EEFSEC: variants seen among roughly 807,000 people sequenced by gnomAD.
EEFSEC encodes the protein eukaryotic elongation factor, selenocysteine-tRNA specific.
EEFSEC carries 43 observed loss-of-function variants against 42.1 expected under a neutral mutation model. That is an observed-to-expected ratio of 1.02 (90% CI 0.80 to 1.32). EEFSEC has a LOEUF of 1.32. Among genes scored for constraint, EEFSEC ranks in the 40% most tolerant of loss-of-function variants. The pLI, the probability that EEFSEC is intolerant of heterozygous loss-of-function variation, is 0.00. For missense variants in EEFSEC, 745 were observed against 803.6 expected (o/e 0.93, Z 0.88); for synonymous variants, 354 against 339.1 (o/e 1.04, Z -0.48).
chr3:128,273,233 C>T (rs1008826685), intron 4 of EEFSEC, among the ~76,000 whole-genome samples: 5 of 152,174 alleles, frequency 3.3e-5, no homozygotes, highest in African/African-American at 1.2e-4. Flanking sequence ...TGAGGTCTTG[C>T]CTTTCTCCTG....
At chr3:128,396,890 C>T (rs969292416) in intron 6 of EEFSEC, among the ~76,000 whole-genome samples, 5 of 152,218 alleles carry the variant, frequency 3.3e-5, no homozygotes, top group Admixed American at 6.5e-5. Context: ...TTGGGCCAGA[C>T]CTCCCTTACA....
chr3:128,185,284 ATTATT>A, intron 1 of EEFSEC, among the ~76,000 whole-genome samples: 1 of 152,242 alleles, frequency 6.6e-6, no homozygotes, highest in East Asian at 1.9e-4. Context: ...TGGGGGGATA[ATTATT>A]TTAATTTATT....
At chr3:128,218,279 C>G (rs1197042069) in intron 1 of EEFSEC, among the ~76,000 whole-genome samples, 3 of 152,202 alleles carry the variant, frequency 2.0e-5, no homozygotes, top group Non-Finnish European at 2.9e-5. Flanking sequence ...CAGACATAGA[C>G]TGTAAGAACT....
intron 1 of EEFSEC, among the ~76,000 whole-genome samples, chr3:128,200,284 A>G (rs1332983123): frequency 1.3e-5 from 2 of 151,814 alleles, no homozygotes; most frequent in African/African-American, 4.8e-5. Context: ...TCCAAACTCT[A>G]ACATGAATCT....
intron 4 of EEFSEC, among the ~76,000 whole-genome samples, chr3:128,295,034 C>T (rs1432704226): frequency 4.6e-5 from 7 of 152,312 alleles, no homozygotes; most frequent in South Asian, 2.1e-4. Flanking sequence ...TGGGACATTT[C>T]GCTGGCTGCA....
intron 4 of EEFSEC, among the ~76,000 whole-genome samples, chr3:128,286,209 G>A (rs369803456): frequency 6.6e-6 from 1 of 152,192 alleles, no homozygotes; most frequent in East Asian, 1.9e-4. Flanking sequence ...AGTTCATGAG[G>A]GACATTCCCA....
At position 128,408,314 on chromosome 3, in the gene EEFSEC, G is replaced by A; in HGVS notation, c.*55G>A. ...TGCCCAGCCCAGTCCAGGCTGCTGT[G>A]CCAAATCCCAACCAGCCACGCCTCA... On this transcript the variant is annotated 3_prime_UTR_variant, in exon 7 of 7. Transcript: ENST00000254730. 2.0e-6 allele frequency: 3 copies of A among 1,479,994 alleles called. No homozygotes were observed. Among genetic ancestry groups the A allele is most frequent in the Non-Finnish European group, 2.7e-6 (3 of 1,107,834 alleles). 91.7% of individuals were successfully genotyped at this position (1,479,994 alleles called of 1,614,324 possible). A position where few individuals can be genotyped will look rare whatever the true frequency, so the allele number is the denominator to read the frequency against.
chr3:128,395,593 T>C (rs547394822), intron 6 of EEFSEC, among the ~76,000 whole-genome samples: 1 of 152,334 alleles, frequency 6.6e-6, no homozygotes, highest in East Asian at 1.9e-4. Context: ...CCCTGTTCTT[T>C]GTCAGGCCCA....
At position 128,213,181 on chromosome 3, in the gene EEFSEC, A is replaced by G. The variant is rs6439120; in HGVS notation, c.317-33655A>G. Among the ~76,000 whole-genome samples, 302 of 152,288 alleles carry G rather than the reference A, an allele frequency of 2.0e-3. 1 individual carries two copies. Among genetic ancestry groups the G allele is most frequent in the African/African-American group, 6.9e-3 (288 of 41,564 alleles). On this transcript the variant is annotated intron_variant, in intron 1 of 6. Transcript: ENST00000254730. ...AGACCTGGGTTGTGGCAGTTGCTGC[A>G]TTACTTATAGGCTGTGTGGCCTGGG...
chr3:128,292,618 T>G (rs113702404), intron 4 of EEFSEC, among the ~76,000 whole-genome samples: 31 of 152,066 alleles, frequency 2.0e-4, no homozygotes, highest in African/African-American at 6.5e-4. Flanking sequence ...ACTCTTATTA[T>G]CTTTTAATGT....
chr3:128,418,622 C>T, the EEFSEC span, among the ~76,000 whole-genome samples: 31 of 151,832 alleles, frequency 2.0e-4, no homozygotes, highest in Admixed American at 9.2e-4. Context: ...GCCCAGCACC[C>T]CCTACTCTGC....
intron 1 of EEFSEC, among the ~76,000 whole-genome samples, chr3:128,231,083 T>C (rs1187255817): frequency 6.6e-6 from 1 of 151,606 alleles, no homozygotes. Context: ...CCATCCCCTC[T>C]CTCCTGTCTT....
intron 1 of EEFSEC, among the ~76,000 whole-genome samples, chr3:128,213,209 A>G (rs2065777140): frequency 6.6e-6 from 1 of 152,196 alleles, no homozygotes; most frequent in Admixed American, 6.5e-5. Context: ...GGCCTGGGCA[A>G]ACCTTTCGTC....
intron 6 of EEFSEC, among the ~76,000 whole-genome samples, chr3:128,387,656 C>T (rs1001011133): frequency 6.6e-6 from 1 of 152,164 alleles, no homozygotes; most frequent in Non-Finnish European, 1.5e-5. Context: ...ATCTTTGTCA[C>T]GTGTGCTTAG....
At chr3:128,282,511 T>C (rs963134496) in intron 4 of EEFSEC, among the ~76,000 whole-genome samples, 3 of 152,242 alleles carry the variant, frequency 2.0e-5, no homozygotes, top group Non-Finnish European at 4.4e-5. Flanking sequence ...CAGACCCACA[T>C]GTTGACACGC....
At chr3:128,194,020 G>T (rs1454052353) in intron 1 of EEFSEC, among the ~76,000 whole-genome samples, 1 of 152,110 alleles carries the variant, frequency 6.6e-6, no homozygotes, top group Non-Finnish European at 1.5e-5. Context: ...CAACTTGAAT[G>T]AAGAAGAAAA....
chr3:128,213,216 C>T (rs2065777229), intron 1 of EEFSEC, among the ~76,000 whole-genome samples: 2 of 152,178 alleles, frequency 1.3e-5, no homozygotes, highest in Non-Finnish European at 2.9e-5. Context: ...GCAAACCTTT[C>T]GTCTTCCGGA....
intron 6 of EEFSEC, among the ~76,000 whole-genome samples, chr3:128,406,873 C>CACATATAT (rs2068120750): frequency 1.3e-5 from 2 of 151,180 alleles, no homozygotes; most frequent in African/African-American, 4.9e-5. Flanking sequence ...CATATATATA[C>CACATATAT]ATACATATAT....
chr3:128,302,107 G>A (rs1371555421), intron 4 of EEFSEC, among the ~76,000 whole-genome samples: 1 of 152,176 alleles, frequency 6.6e-6, no homozygotes, highest in African/African-American at 2.4e-5. Context: ...CTTCCTAGTG[G>A]ATTGGTTATA....
Sources: gnomAD v4.1 joint callset for allele counts (sites outside exome capture counted in the v4.1 genomes callset) on GRCh38, gnomAD v4.1.1 for gene constraint, MANE v1.5 for transcripts, NCBI Gene and HGNC (gene_info 2026-07-23, HGNC 2026-07-21) for gene names.